The following CLIC5 variants were observed in gnomAD, a reference collection of about 807,000 sequenced individuals.
CLIC5 encodes the protein CLIC family member 5, also known as chloride intracellular channel protein 5.
CLIC5 carries 20 observed loss-of-function variants against 24.7 expected under a neutral mutation model. That is an observed-to-expected ratio of 0.81 (90% CI 0.57 to 1.18). The LOEUF is 1.18. Among genes scored for constraint, CLIC5 ranks in the 50% most tolerant of loss-of-function variants. CLIC5 has a pLI of 0.00. For synonymous variants in CLIC5, 159 were observed against 135.6 expected, an observed-to-expected ratio of 1.17 and a Z score of -1.20; for missense variants, 341 against 326.1, an observed-to-expected ratio of 1.05 and a Z score of -0.35.
Position 45,957,369 on chromosome 6 carries a change from G to A in CLIC5, c.64-2125C>T, listed in dbSNP as rs369674768. 5.3e-5 allele frequency among the ~76,000 whole-genome samples: 8 copies of A among 152,144 alleles called. No homozygotes were observed. The South Asian group carries it at 1.7e-3, about 32-fold the overall frequency. On this transcript the variant is annotated intron_variant, in intron 1 of 5. Transcript: ENST00000339561. ...TGGGATATTTTCAGCTTTTACAAAT[G>A]TGGAAATGGAGGCACAGAGAGATAA... is the stretch of plus-strand genomic sequence containing the variant.
At chr6:45,913,962 A>G in intron 5 of CLIC5, 2 of 518,042 alleles carry the variant, frequency 3.9e-6, no homozygotes, top group Non-Finnish European at 6.0e-6. Flanking sequence ...AAGCCCCCAC[A>G]ATATGCCAAG....
chr6:45,923,908 CGG>C (rs1247655032), intron 4 of CLIC5, among the ~76,000 whole-genome samples: 1 of 152,174 alleles, frequency 6.6e-6, no homozygotes, highest in Non-Finnish European at 1.5e-5. Context: ...GTTGCTTAAC[CGG>C]TGCTTGTTTC....
intron 1 of CLIC5, among the ~76,000 whole-genome samples, chr6:46,044,457 G>A (rs777937307): frequency 6.6e-6 from 1 of 152,142 alleles, no homozygotes; most frequent in Non-Finnish European, 1.5e-5. Flanking sequence ...TTAAGACCAG[G>A]CCTGTCCAGA....
chr6:45,923,652 G>T (rs1763361402), intron 4 of CLIC5, among the ~76,000 whole-genome samples: 1 of 152,220 alleles, frequency 6.6e-6, no homozygotes, highest in Admixed American at 6.5e-5. Flanking sequence ...GACCCTGATG[G>T]GGAAGGTGGG....
intron 1 of CLIC5, among the ~76,000 whole-genome samples, chr6:46,047,502 T>C (rs934659190): frequency 6.6e-6 from 1 of 152,198 alleles, no homozygotes; most frequent in Non-Finnish European, 1.5e-5. Context: ...ATCAGATATG[T>C]AAAATTGTAA....
intron 1 of CLIC5, among the ~76,000 whole-genome samples, chr6:45,999,467 A>C (rs549946066): frequency 6.6e-6 from 1 of 152,256 alleles, no homozygotes; most frequent in Admixed American, 6.5e-5. Context: ...TATACACATA[A>C]AATTTATATG....
At chr6:45,983,595 G>A (rs1286831979) in intron 1 of CLIC5, among the ~76,000 whole-genome samples, 1 of 152,206 alleles carries the variant, frequency 6.6e-6, no homozygotes, top group Non-Finnish European at 1.5e-5. Context: ...AGAAGATTCA[G>A]GTATGGACTG....
At chr6:46,024,042 TG>T (rs916601548) in intron 1 of CLIC5, among the ~76,000 whole-genome samples, 2 of 152,056 alleles carry the variant, frequency 1.3e-5, no homozygotes, top group Non-Finnish European at 2.9e-5. Context: ...GAGCAAGGGT[TG>T]GGGGGAAAGC....
chr6:46,097,940 G>T, the CLIC5 span, among the ~76,000 whole-genome samples: 4 of 152,086 alleles, frequency 2.6e-5, no homozygotes, highest in African/African-American at 9.7e-5. Flanking sequence ...GTGTACACAC[G>T]TCTTCTTACT....
At chr6:45,955,429 C>T (rs1764611598) in intron 1 of CLIC5, among the ~76,000 whole-genome samples, 185 bp from the exon 2 acceptor site, 1 of 152,198 alleles carries the variant, frequency 6.6e-6, no homozygotes, top group African/African-American at 2.4e-5. Context: ...TGCCTGGCAG[C>T]ATGTAAGGGC....
At chr6:45,968,551 T>C (rs148586360) in intron 1 of CLIC5, among the ~76,000 whole-genome samples, 5,333 of 152,200 alleles carry the variant, frequency 0.035, 117 homozygotes, top group Non-Finnish European at 0.045. Flanking sequence ...GCTCACACAA[T>C]GGATGCCCCA....
Position 45,903,540 on chromosome 6 carries a change from A to G in CLIC5, c.589-285T>C, listed in dbSNP as rs1006036052. 5.3e-5 allele frequency among the ~76,000 whole-genome samples: 8 copies of G among 152,342 alleles called. No homozygotes were observed. In the South Asian group the frequency reaches 1.2e-3, roughly 24 times the overall value. On this transcript the variant is annotated intron_variant, in intron 5 of 5. Transcript: ENST00000339561. ...GATGGATATAAAGATTTACCTACAC[A>G]ATTATGATCCCAGAGCTATTTTGAA...
chr6:45,927,645 G>A (rs1296911737), intron 4 of CLIC5, among the ~76,000 whole-genome samples: 4 of 152,128 alleles, frequency 2.6e-5, no homozygotes, highest in Non-Finnish European at 5.9e-5. Flanking sequence ...AACAAGCTTT[G>A]CTAACTGGCC....
intron 3 of CLIC5, among the ~76,000 whole-genome samples, chr6:45,947,140 G>T (rs556692965): frequency 6.6e-6 from 1 of 152,148 alleles, no homozygotes; most frequent in Non-Finnish European, 1.5e-5. Context: ...ATGATGACTC[G>T]CCTCTGGAAG....
chr6:46,000,257 C>G (rs1262516073), intron 1 of CLIC5, among the ~76,000 whole-genome samples: 2 of 152,054 alleles, frequency 1.3e-5, no homozygotes, highest in Non-Finnish European at 2.9e-5. Flanking sequence ...GGTCAGTGCC[C>G]CTAACCTCCA....
At position 45,912,245 on chromosome 6, in the gene CLIC5, C is replaced by G; in HGVS notation, c.588+1983G>C. 3.0e-6 allele frequency: 3 copies of G among 989,270 alleles called. No homozygotes were observed. The South Asian group carries it at 1.4e-4, about 46-fold the overall frequency. 61.3% of individuals were successfully genotyped at this position (989,270 alleles called of 1,614,324 possible). On this transcript the variant is annotated intron_variant, in intron 5 of 5. Coordinates refer to ENST00000339561, the MANE Select transcript of CLIC5 (RefSeq NM_016929.5). ...GTTTCTGGGATCTGATAAGCTGGAT[C>G]AGCAGAAATCCAAAGAGATAGGGGC...
intron 1 of CLIC5, among the ~76,000 whole-genome samples, chr6:45,989,799 C>T (rs1275959386): frequency 6.6e-6 from 1 of 152,118 alleles, no homozygotes; most frequent in South Asian, 2.1e-4. Context: ...ATAGTGAAAA[C>T]CCCACCCCTG....
At chr6:45,969,998 G>A (rs141611191) in intron 1 of CLIC5, among the ~76,000 whole-genome samples, 45 of 152,174 alleles carry the variant, frequency 3.0e-4, no homozygotes, top group African/African-American at 8.2e-4. Flanking sequence ...AAATGGGGGC[G>A]CAGTGCCTGG....
chr6:45,880,942 C>T (rs1194880530), downstream of CLIC5: 4 of 390,848 alleles, frequency 1.0e-5, no homozygotes, highest in Non-Finnish European at 4.5e-6. Flanking sequence ...ACATGAACTG[C>T]TAGCTTCAGC....
Sources: allele counts gnomAD v4.1 joint callset (sites outside exome capture counted in the v4.1 genomes callset), GRCh38; gene constraint gnomAD v4.1.1; transcripts MANE v1.5; gene names NCBI Gene and HGNC (gene_info 2026-07-23, HGNC 2026-07-21).